Variants in SPATA16 observed in about 807,000 individuals in gnomAD.
SPATA16 encodes the protein spermatogenesis associated 16.
A neutral mutation model predicts 63.3 loss-of-function variants in SPATA16; 36 were observed. The ratio of observed to expected loss-of-function variants is 0.57; its 90% CI spans 0.44 to 0.75. The LOEUF (loss-of-function observed/expected upper bound fraction) is 0.75, where lower values mean the gene tolerates loss of function less well. SPATA16 is among the 30% of genes least tolerant of loss of function. The pLI is 0.00. For synonymous variants in SPATA16, 203 were observed against 216.7 expected (o/e 0.94, Z 0.56); for missense variants, 646 against 679.3 (o/e 0.95, Z 0.54).
At chr3:172,907,202 A>G (rs2109553956) in intron 10 of SPATA16, among the ~76,000 whole-genome samples, 1 of 152,264 alleles carries the variant, frequency 6.6e-6, no homozygotes, top group Non-Finnish European at 1.5e-5. Flanking sequence ...TTAATTTGTG[A>G]CAGACACAGG....
At chr3:173,094,680 T>G (rs1037500411) in intron 2 of SPATA16, among the ~76,000 whole-genome samples, 1 of 149,804 alleles carries the variant, frequency 6.7e-6, no homozygotes, top group Admixed American at 6.6e-5. Context: ...GGGAGTTGTT[T>G]TTTTTTTTTT....
intron 2 of SPATA16, among the ~76,000 whole-genome samples, chr3:173,091,939 A>G (rs1382134587): frequency 6.6e-6 from 1 of 152,144 alleles, no homozygotes; most frequent in Non-Finnish European, 1.5e-5. Flanking sequence ...TATATAGAGA[A>G]TAGCCTGGGA....
chr3:173,003,334 A>G (rs1734868446), intron 4 of SPATA16, among the ~76,000 whole-genome samples: 1 of 152,194 alleles, frequency 6.6e-6, no homozygotes, highest in Admixed American at 6.5e-5. Context: ...TAATCAAGAA[A>G]ATGAAAATGA....
intron 1 of SPATA16, among the ~76,000 whole-genome samples, chr3:173,129,941 G>T (rs1165959656): frequency 6.6e-6 from 1 of 152,138 alleles, no homozygotes; most frequent in Non-Finnish European, 1.5e-5. Context: ...AGAACCTGAG[G>T]CATGAAGATG....
intron 4 of SPATA16, among the ~76,000 whole-genome samples, chr3:173,006,006 A>T (rs1734937661): frequency 6.6e-6 from 1 of 152,192 alleles, no homozygotes; most frequent in Admixed American, 6.5e-5. Flanking sequence ...GTTTTACTAT[A>T]TTTTAACCTT....
At chr3:172,974,500 C>A (rs1455313054) in intron 5 of SPATA16, among the ~76,000 whole-genome samples, 1 of 151,790 alleles carries the variant, frequency 6.6e-6, no homozygotes, top group Non-Finnish European at 1.5e-5. Context: ...GGGTTTAAAA[C>A]CCCCTTCTGA....
chr3:172,911,235 G>T (rs531303870), intron 10 of SPATA16, among the ~76,000 whole-genome samples: 1 of 152,052 alleles, frequency 6.6e-6, no homozygotes, highest in Non-Finnish European at 1.5e-5. Flanking sequence ...ATTACTACCC[G>T]CCTCCCCATC....
intron 3 of SPATA16, among the ~76,000 whole-genome samples, chr3:173,033,399 G>A (rs1735647712): frequency 6.6e-6 from 1 of 152,138 alleles, no homozygotes; most frequent in Non-Finnish European, 1.5e-5. Flanking sequence ...AAGTAATACA[G>A]TATATCAACC....
intron 2 of SPATA16, among the ~76,000 whole-genome samples, chr3:173,075,301 A>G (rs2108309878): frequency 6.6e-6 from 1 of 152,296 alleles, no homozygotes; most frequent in African/African-American, 2.4e-5. Context: ...TGGATGTGTA[A>G]AAAGGGAAAC....
At chr3:172,952,398 G>A (rs1386839301) in intron 6 of SPATA16, among the ~76,000 whole-genome samples, 1 of 152,060 alleles carries the variant, frequency 6.6e-6, no homozygotes, top group African/African-American at 2.4e-5. Context: ...CAGAGTATTC[G>A]GAGGGTGACC....
intron 2 of SPATA16, among the ~76,000 whole-genome samples, chr3:173,105,610 C>T (rs1248335225): frequency 6.6e-6 from 1 of 152,170 alleles, no homozygotes; most frequent in Non-Finnish European, 1.5e-5. Flanking sequence ...CCTTCAATGT[C>T]TGTCTTTGGT....
At chr3:173,029,406 G>GTTTTTTTTTTTTTTTTTTTTTTT (rs57233262) in intron 3 of SPATA16, among the ~76,000 whole-genome samples, 1 of 139,852 alleles carries the variant, frequency 7.2e-6, no homozygotes, top group African/African-American at 2.8e-5. Flanking sequence ...AGTAATCAGA[G>GTTTTTTTTTTTTTTTTTTTTTTT]TTTTTTTTTT....
At position 172,920,230 on chromosome 3, in the gene SPATA16, A is replaced by G. The variant is rs571040086; in HGVS notation, c.1339-3749T>C. 6.6e-5 allele frequency among the ~76,000 whole-genome samples: 10 copies of G among 152,330 alleles called. No homozygotes were observed. The South Asian group carries it at 2.1e-3, about 32-fold the overall frequency. Reference sequence around the variant, plus strand: ...TCATTGGTAAAATGAAGGTGACACAATGTCACCAAATTGTGAGGGTCAAAT... The same window carrying G: ...TCATTGGTAAAATGAAGGTGACACAGTGTCACCAAATTGTGAGGGTCAAAT... On this transcript the variant is annotated intron_variant, in intron 8 of 10. Transcript: ENST00000351008.
intron 6 of SPATA16, among the ~76,000 whole-genome samples, chr3:172,941,935 C>T (rs967235929): frequency 4.0e-5 from 6 of 151,622 alleles, no homozygotes; most frequent in South Asian, 2.1e-4. Context: ...CATGAAACTA[C>T]GATTTTGTTA....
chr3:172,952,131 G>T (rs1055641012), intron 6 of SPATA16, among the ~76,000 whole-genome samples: 1 of 152,134 alleles, frequency 6.6e-6, no homozygotes, highest in Non-Finnish European at 1.5e-5. Flanking sequence ...GTCTGTGGAG[G>T]GGGGAGTGTG....
intron 1 of SPATA16, among the ~76,000 whole-genome samples, chr3:173,119,909 G>A (rs1738012172): frequency 6.6e-6 from 1 of 151,424 alleles, no homozygotes; most frequent in African/African-American, 2.4e-5. Context: ...CCAACATGGT[G>A]CAACCCTATC....
intron 1 of SPATA16, among the ~76,000 whole-genome samples, chr3:173,129,536 A>G (rs1738314491): frequency 6.6e-6 from 1 of 151,952 alleles, no homozygotes; most frequent in Non-Finnish European, 1.5e-5. Flanking sequence ...CTCTCTATAT[A>G]TCCTACTGCA....
At chr3:172,894,491 C>CA (rs34213880) in intron 10 of SPATA16, among the ~76,000 whole-genome samples, 23 of 143,612 alleles carry the variant, frequency 1.6e-4, no homozygotes, top group African/African-American at 3.9e-4. Context: ...ACAAAACATG[C>CA]AAAAAAAAAA....
At chr3:172,944,542 A>G (rs1733235813) in intron 6 of SPATA16, among the ~76,000 whole-genome samples, 1 of 152,256 alleles carries the variant, frequency 6.6e-6, no homozygotes, top group African/African-American at 2.4e-5. Context: ...TTGTATACCC[A>G]TGTTCATAGC....
Sources: gnomAD v4.1 joint callset for allele counts (sites outside exome capture counted in the v4.1 genomes callset) on GRCh38, gnomAD v4.1.1 for gene constraint, MANE v1.5 for transcripts, NCBI Gene and HGNC (gene_info 2026-07-23, HGNC 2026-07-21) for gene names.